The following DSCC1 variants were observed in gnomAD, a reference collection of about 807,000 sequenced individuals.
The protein encoded by DSCC1 is sister chromatid cohesion protein DCC1.
Under a neutral mutation model 48.2 loss-of-function variants are expected in DSCC1, and 32 were observed. The observed-to-expected ratio is 0.66, with a 90% CI of 0.50 to 0.89. DSCC1 has a LOEUF of 0.89. Ranked by LOEUF, DSCC1 falls within the 40% of genes least tolerant of loss-of-function variation. The pLI is 0.00. For missense variants in DSCC1, 421 were observed against 471.7 expected, an observed-to-expected ratio of 0.89 and a Z score of 1.00; for synonymous variants, 150 against 171.5, an observed-to-expected ratio of 0.87 and a Z score of 0.98.
intron 4 of DSCC1, among the ~76,000 whole-genome samples, chr8:119,844,994 A>G (rs1826833872): frequency 6.6e-6 from 1 of 152,200 alleles, no homozygotes; most frequent in African/African-American, 2.4e-5. Context: ...GGCCAAGTTA[A>G]GGGCTGGGCT....
chr8:119,852,838 C>A, intron 2 of DSCC1: 1 of 430,606 alleles, frequency 2.3e-6, no homozygotes, highest in Non-Finnish European at 3.9e-6. Context: ...ACTTGAAAAT[C>A]AAAACAGGAA....
chr8:119,838,418 T>C lies in DSCC1; in HGVS notation c.925-11A>G. On this transcript the variant is annotated splice_polypyrimidine_tract_variant and intron_variant, in intron 7 of 8. Coordinates refer to ENST00000313655, the MANE Select transcript of DSCC1 (RefSeq NM_024094.3). ...CACCAGCGCTAAACCCTACAAGAAA[T>C]GAGAAGAAACAGAGCAGTTAAAGTA... 4 of 1,562,530 alleles carry C rather than the reference T, an allele frequency of 2.6e-6. No individual in the cohort carries two copies. The highest frequency in any genetic ancestry group is 3.4e-6 in the Non-Finnish European group (4 of 1,160,230).
intron 1 of DSCC1, 86 bp downstream of exon 1, chr8:119,855,528 G>C: frequency 6.8e-7 from 1 of 1,473,620 alleles, no homozygotes. Flanking sequence ...GCATCTCTCT[G>C]GCCCTGTTTT....
chr8:119,836,005 T>A (rs1468480922), intron 8 of DSCC1, among the ~76,000 whole-genome samples: 1 of 152,168 alleles, frequency 6.6e-6, no homozygotes, highest in African/African-American at 2.4e-5. Flanking sequence ...AAGTACAATG[T>A]GATCTAAGTT....
intron 2 of DSCC1, among the ~76,000 whole-genome samples, chr8:119,852,601 C>T (rs1563947484): frequency 6.6e-6 from 1 of 152,140 alleles, no homozygotes. Flanking sequence ...ACAATCGGCA[C>T]ACCTTGGCCT....
At chr8:119,850,649 G>A (rs1826930763) in intron 2 of DSCC1, 133 bp from the exon 3 acceptor site, 1 of 748,380 alleles carries the variant, frequency 1.3e-6, no homozygotes, top group Non-Finnish European at 2.0e-6. Flanking sequence ...GTATCAGGAA[G>A]GTATTTATCC....
chr8:119,843,491 T>A, intron 5 of DSCC1, 118 bp downstream of exon 5: 1 of 1,379,524 alleles, frequency 7.2e-7, no homozygotes, highest in African/African-American at 1.5e-5. Flanking sequence ...TTGTAAACAT[T>A]TCTCAAAGAT....
chr8:119,841,024 C>T (rs1269472872), intron 7 of DSCC1, among the ~76,000 whole-genome samples: 4 of 151,784 alleles, frequency 2.6e-5, no homozygotes, highest in African/African-American at 9.7e-5. Context: ...CAGAGTCTTG[C>T]TCTGTCGCCC....
In DSCC1 at chr8:119,847,064, A is replaced by T; in HGVS notation, c.503T>A (p.Leu168Ter). 6.2e-7 allele frequency: 1 copy of T among 1,613,338 alleles called. No homozygotes were observed. Among genetic ancestry groups the T allele is most frequent in the Non-Finnish European group, 8.5e-7 (1 of 1,180,004 alleles). The change falls in exon 4 of 9, where the codon TTG (leucine) becomes TAG (stop). Residue 168 changes from leucine (L) to a stop codon, truncating the protein, a stop_gained. Transcript: ENST00000313655. LOFTEE classifies it high-confidence loss of function. Reference protein sequence around the residue: ...SNSSKYTTEDLLDQIQASEEE... With the variant: ...SNSSKYTTED ...CTCACTTGCCTGAATTTGATCAAGC[A>T]AATCTTCAGTTGTATACTGCAAAAA...
intron 3 of DSCC1, among the ~76,000 whole-genome samples, chr8:119,849,667 A>C (rs1826917077): frequency 6.6e-6 from 1 of 152,198 alleles, no homozygotes; most frequent in African/African-American, 2.4e-5. Flanking sequence ...AATGTTCTAA[A>C]CTTGATGGTG....
chr8:119,853,045 A>G lies in DSCC1; in HGVS notation c.351+2T>C. On this transcript the variant is annotated splice_donor_variant, in intron 2 of 8. Coordinates refer to ENST00000313655, the MANE Select transcript of DSCC1 (RefSeq NM_024094.3). LOFTEE classifies it high-confidence loss of function. ...TATAAATCAGAGTACAGAAAAGAGC[A>G]CCTCAGTGTGAATAATGTTACAGTG... 1 of 1,601,308 alleles carries G rather than the reference A, an allele frequency of 6.2e-7. No individual in the cohort carries two copies. Among genetic ancestry groups the G allele is most frequent in the South Asian group, 1.1e-5 (1 of 89,172 alleles).
At chr8:119,835,272 C>T (rs986138306) in intron 8 of DSCC1, among the ~76,000 whole-genome samples, 8 of 152,010 alleles carry the variant, frequency 5.3e-5, no homozygotes, top group Admixed American at 1.3e-4. Flanking sequence ...TTTGGGAGGC[C>T]GAGGTGGGCA....
chr8:119,848,715 C>T (rs1054323491), intron 3 of DSCC1, among the ~76,000 whole-genome samples: 1 of 152,162 alleles, frequency 6.6e-6, no homozygotes, highest in Non-Finnish European at 1.5e-5. Context: ...AGAAGTTACC[C>T]AAATGTCTAT....
In DSCC1 at chr8:119,850,528, A is replaced by AG. The variant is rs386413816; in HGVS notation, c.352-13_352-12insC. ...GAAAAACCAAAGATCTAGAAATTATATATATCGTAACCTTTTAGGGGCCAT... is the reference window on the plus strand; with the variant it reads ...GAAAAACCAAAGATCTAGAAATTATAGTATATCGTAACCTTTTAGGGGCCAT... On this transcript the variant is annotated splice_polypyrimidine_tract_variant and intron_variant, in intron 2 of 8. Coordinates refer to ENST00000313655, the MANE Select transcript of DSCC1 (RefSeq NM_024094.3). 3 of 1,484,596 alleles carry AG rather than the reference A, an allele frequency of 2.0e-6. No individual in the cohort carries two copies. The South Asian group carries it at 3.8e-5, about 19-fold the overall frequency. The allele number at this position is 1,484,596 out of a possible 1,614,324, so 92.0% of individuals were successfully genotyped here. A position where few individuals can be genotyped will look rare whatever the true frequency, so the allele number is the denominator to read the frequency against.
chr8:119,845,286 A>G (rs1429733786), intron 4 of DSCC1, among the ~76,000 whole-genome samples: 1 of 151,878 alleles, frequency 6.6e-6, no homozygotes, highest in African/African-American at 2.4e-5. Context: ...GGGTTTCACC[A>G]TGTTGGCCAG....
chr8:119,853,079 C>G lies in DSCC1; in HGVS notation c.319G>C (p.Glu107Gln). 6.2e-7 allele frequency: 1 copy of G among 1,613,692 alleles called. No individual in the cohort carries two copies. Among genetic ancestry groups the G allele is most frequent in the East Asian group, 2.2e-5 (1 of 44,864 alleles). Residue 107 changes from glutamate (E) to glutamine (Q), a missense_variant, in exon 2 of 9, where the codon GAA (glutamate) becomes CAA (glutamine). Glu to Gln is a conservative substitution (Grantham distance 29). Around this residue, in one of 3 missense-constraint regions of DSCC1, gnomAD observed 174 missense variants for 184.5 expected, o/e 0.94. Transcript: ENST00000313655. The stretch of plus-strand genomic sequence containing the variant: ...TGAATAATGTTACAGTGTGAATCTT[C>G]CTTCTTCAACTGGTCCGGAGTTTTA... The part of the protein sequence containing the change: ...GCKTPDQLKK[E>Q]DSHCNIIHTE...
intron 5 of DSCC1, 119 bp from the exon 6 acceptor site, chr8:119,842,947 TG>T (rs1826795146): frequency 1.2e-6 from 1 of 804,784 alleles, no homozygotes; most frequent in Admixed American, 3.2e-5. Flanking sequence ...TAAGTGATTT[TG>T]GTTGCCAAAT....
chr8:119,838,708 T>G (rs1486473189), intron 7 of DSCC1: 1 of 227,318 alleles, frequency 4.4e-6, no homozygotes. Context: ...CTTGGATTCA[T>G]CGTGTTAGCC....
At chr8:119,852,949 AT>A (rs1020213050) in intron 2 of DSCC1, 97 bp downstream of exon 2, 7 of 1,111,796 alleles carry the variant, frequency 6.3e-6, no homozygotes, top group Non-Finnish European at 8.5e-6. Context: ...ATTCTCCCTG[AT>A]TATAGATTTT....
Sources: allele counts gnomAD v4.1 joint callset (sites outside exome capture counted in the v4.1 genomes callset), GRCh38; gene constraint gnomAD v4.1.1; regional missense constraint gnomAD v4.1.1; transcripts MANE v1.5; gene names NCBI Gene and HGNC (gene_info 2026-07-23, HGNC 2026-07-21).